The following NOX4 variants were observed in gnomAD, a reference collection of about 807,000 sequenced individuals.
The protein encoded by NOX4 is NADPH oxidase 4, also known as kidney oxidase-1.
In NOX4, 69 loss-of-function variants were observed where a neutral mutation model predicts 87.6. The observed-to-expected ratio is 0.79, with a 90% CI of 0.65 to 0.96. The LOEUF is 0.96. NOX4 is among the 40% of genes least tolerant of loss of function. The pLI is 0.00. For missense variants in NOX4, 680 were observed against 681.5 expected, an observed-to-expected ratio of 1.00 and a Z score of 0.02; for synonymous variants, 275 against 238.2, an observed-to-expected ratio of 1.15 and a Z score of -1.42.
the NOX4 span, among the ~76,000 whole-genome samples, chr11:89,558,231 A>T: frequency 6.6e-6 from 1 of 152,132 alleles, no homozygotes; most frequent in East Asian, 1.9e-4. Context: ...TAATTCATGC[A>T]AAACTTCCTT....
the NOX4 span, among the ~76,000 whole-genome samples, chr11:89,504,843 G>A: frequency 6.6e-6 from 1 of 151,906 alleles, no homozygotes; most frequent in Non-Finnish European, 1.5e-5. Flanking sequence ...AGATCTTCTT[G>A]ATACTGTGCC....
chr11:89,339,690 A>C (rs1030360150), intron 15 of NOX4, among the ~76,000 whole-genome samples: 1 of 152,162 alleles, frequency 6.6e-6, no homozygotes, highest in Non-Finnish European at 1.5e-5. Context: ...ATCAGAACAG[A>C]GGATGGAAGG....
chr11:89,534,150 G>A, the NOX4 span: 1 of 152,232 alleles, frequency 6.6e-6, no homozygotes, highest in African/African-American at 2.4e-5. Context: ...GACAAGGCAG[G>A]AAGATGCCTA....
At chr11:89,428,427 C>T (rs1051028894) in intron 7 of NOX4, among the ~76,000 whole-genome samples, 33 of 152,158 alleles carry the variant, frequency 2.2e-4, no homozygotes, top group African/African-American at 7.7e-4. Flanking sequence ...GACTGGCAAA[C>T]TGGATAGAGT....
the NOX4 span, among the ~76,000 whole-genome samples, chr11:89,509,789 G>C: frequency 1.3e-5 from 2 of 151,954 alleles, no homozygotes; most frequent in Non-Finnish European, 1.5e-5. Context: ...TCAGGGGTTG[G>C]AAGGAAAACT....
chr11:89,330,963 C>G (rs1441422312), intron 17 of NOX4, among the ~76,000 whole-genome samples: 3 of 151,902 alleles, frequency 2.0e-5, no homozygotes, highest in Non-Finnish European at 2.9e-5. Flanking sequence ...ATATTGAAAA[C>G]TTGAACATCA....
the NOX4 span, among the ~76,000 whole-genome samples, chr11:89,580,824 G>A: frequency 8.5e-5 from 13 of 152,288 alleles, no homozygotes; most frequent in East Asian, 1.9e-3. Context: ...AATAATTGAA[G>A]TGTAACTCTA....
intron 6 of NOX4, among the ~76,000 whole-genome samples, chr11:89,436,656 T>C (rs1416602669): frequency 6.6e-6 from 1 of 152,128 alleles, no homozygotes; most frequent in Non-Finnish European, 1.5e-5. Flanking sequence ...TGGTCAGAAA[T>C]ATACCATTAT....
intron 7 of NOX4, among the ~76,000 whole-genome samples, chr11:89,429,770 G>C (rs1284911905): frequency 6.6e-6 from 1 of 152,154 alleles, no homozygotes; most frequent in East Asian, 1.9e-4. Flanking sequence ...AATTCTACCA[G>C]AGGTACAAGG....
At chr11:89,330,628 G>GAAAAAAAAAAAAAA (rs35155228) in intron 17 of NOX4, among the ~76,000 whole-genome samples, 5 of 79,588 alleles carry the variant, frequency 6.3e-5, no homozygotes, top group Admixed American at 1.2e-4. Flanking sequence ...TTACTAAAAA[G>GAAAAAAAAAAAAAA]AAAAAAAAAA....
At chr11:89,501,949 T>C (rs1448704545), upstream of NOX4, among the ~76,000 whole-genome samples, 2 of 152,082 alleles carry the variant, frequency 1.3e-5, no homozygotes, top group Non-Finnish European at 2.9e-5. Context: ...ATCCTGTCCC[T>C]ACTCCACCAT....
chr11:89,352,156 C>T (rs1445663141), intron 13 of NOX4, among the ~76,000 whole-genome samples: 1 of 152,100 alleles, frequency 6.6e-6, no homozygotes, highest in Non-Finnish European at 1.5e-5. Context: ...TTACTTATTG[C>T]ATACAATGTA....
the NOX4 span, among the ~76,000 whole-genome samples, chr11:89,513,318 C>CT: frequency 6.7e-6 from 1 of 149,034 alleles, no homozygotes; most frequent in Non-Finnish European, 1.5e-5. Context: ...GAAACTCCGT[C>CT]TAAAAAAAAA....
chr11:89,358,023 C>T (rs317190), intron 12 of NOX4, among the ~76,000 whole-genome samples: 2,132 of 152,080 alleles, frequency 0.014, 47 homozygotes, highest in African/African-American at 0.049. Context: ...TTGGAACATC[C>T]TTTAATCAGA....
In NOX4 at chr11:89,480,023, G is replaced by A. The variant is rs542165058; in HGVS notation, c.153+10435C>T. On this transcript the variant is annotated intron_variant, in intron 2 of 17. Transcript: ENST00000263317. The stretch of plus-strand genomic sequence containing the variant: ...ATGGAATTGGCCTCCAGGAAAAGTC[G>A]GTCCTTAGTATATGCGGGTTTCATA... Among the ~76,000 whole-genome samples, 9 of 152,160 alleles carry A rather than the reference G, an allele frequency of 5.9e-5. No homozygotes were observed. The South Asian group carries it at 6.2e-4, about 11-fold the overall frequency.
At chr11:89,471,830 C>T (rs1240892579) in intron 2 of NOX4, among the ~76,000 whole-genome samples, 1 of 152,188 alleles carries the variant, frequency 6.6e-6, no homozygotes, top group East Asian at 1.9e-4. Flanking sequence ...CAACCTCCGC[C>T]TCCTGGGTTC....
intron 13 of NOX4, among the ~76,000 whole-genome samples, chr11:89,351,041 C>T (rs1320240595): frequency 1.3e-5 from 2 of 152,184 alleles, no homozygotes; most frequent in African/African-American, 4.8e-5. Flanking sequence ...CTTCTTGCGC[C>T]AAACAGTGAG....
chr11:89,578,100 G>C, the NOX4 span, among the ~76,000 whole-genome samples: 1 of 151,294 alleles, frequency 6.6e-6, no homozygotes, highest in Non-Finnish European at 1.5e-5. Flanking sequence ...ATCCAAGCTT[G>C]CTCTTTTGGA....
chr11:89,443,950 G>A, intron 5 of NOX4, 185 bp downstream of exon 5: 2 of 548,326 alleles, frequency 3.6e-6, no homozygotes, highest in Non-Finnish European at 6.5e-6. Context: ...CTTTCAGCAG[G>A]AGACACTATG....
Sources: gnomAD v4.1 joint callset for allele counts (sites outside exome capture counted in the v4.1 genomes callset) on GRCh38, gnomAD v4.1.1 for gene constraint, MANE v1.5 for transcripts, NCBI Gene and HGNC (gene_info 2026-07-23, HGNC 2026-07-21) for gene names.